The following LRP1B variants were observed in gnomAD, a reference collection of about 807,000 sequenced individuals.
The protein encoded by LRP1B is low-density lipoprotein receptor-related protein 1B.
A neutral mutation model predicts 556.6 loss-of-function variants in LRP1B; 217 were observed. That is an observed-to-expected ratio of 0.39 (90% CI 0.35 to 0.44). LRP1B has a LOEUF of 0.44. LRP1B is among the 20% of genes least tolerant of loss of function. LRP1B has a pLI of 1.00. For synonymous variants in LRP1B, 2,047 were observed against 1,865.8 expected (o/e 1.10, Z -2.50); for missense variants, 5,053 against 5,620.8 (o/e 0.90, Z 3.23).
At chr2:142,107,906 A>G (rs904375386) in intron 1 of LRP1B, among the ~76,000 whole-genome samples, 1 of 148,606 alleles carries the variant, frequency 6.7e-6, no homozygotes, top group Non-Finnish European at 1.5e-5. Context: ...TCGGCCTCCC[A>G]AAGTGCTGGG....
At chr2:140,774,097 T>C (rs1689410020) in intron 33 of LRP1B, among the ~76,000 whole-genome samples, 1 of 152,118 alleles carries the variant, frequency 6.6e-6, no homozygotes, top group Admixed American at 6.5e-5. Flanking sequence ...GTAGTGATGT[T>C]AACACCTTAA....
chr2:140,807,603 G>A (rs191033690), intron 32 of LRP1B, among the ~76,000 whole-genome samples: 2 of 149,154 alleles, frequency 1.3e-5, no homozygotes. Flanking sequence ...CACCTGCCTC[G>A]AGCTCACAAA....
intron 1 of LRP1B, among the ~76,000 whole-genome samples, chr2:141,963,647 G>A (rs1558990216): frequency 6.6e-6 from 1 of 150,994 alleles, no homozygotes; most frequent in Non-Finnish European, 1.5e-5. Context: ...ATACTGAATG[G>A]GCAAAAACTG....
chr2:141,324,887 A>G (rs1294795194), intron 3 of LRP1B, among the ~76,000 whole-genome samples: 1 of 152,106 alleles, frequency 6.6e-6, no homozygotes, highest in Non-Finnish European at 1.5e-5. Context: ...ATAGCACAGT[A>G]AGTTCTCTTT....
chr2:141,346,002 C>T (rs986307613), intron 3 of LRP1B, among the ~76,000 whole-genome samples: 4 of 151,860 alleles, frequency 2.6e-5, no homozygotes, highest in Non-Finnish European at 4.4e-5. Flanking sequence ...TCCAAGGGCT[C>T]TTTTTTGTTT....
At chr2:140,283,691 T>C (rs1469660452) in intron 84 of LRP1B, among the ~76,000 whole-genome samples, 2 of 151,716 alleles carry the variant, frequency 1.3e-5, no homozygotes, top group East Asian at 1.9e-4. Flanking sequence ...CAAACTGCCA[T>C]TGTAAAATGC....
At chr2:142,095,234 A>G (rs1041838868) in intron 1 of LRP1B, among the ~76,000 whole-genome samples, 3 of 151,662 alleles carry the variant, frequency 2.0e-5, no homozygotes, top group Admixed American at 2.0e-4. Context: ...GAAGCAATGC[A>G]CAAGAGTATA....
chr2:140,964,910 C>T (rs1344288326), intron 18 of LRP1B, among the ~76,000 whole-genome samples: 1 of 152,054 alleles, frequency 6.6e-6, no homozygotes, highest in African/African-American at 2.4e-5. Flanking sequence ...GCTGAGACTG[C>T]GTCATTGCAC....
At chr2:141,292,455 T>A (rs1686010408) in intron 3 of LRP1B, among the ~76,000 whole-genome samples, 1 of 151,900 alleles carries the variant, frequency 6.6e-6, no homozygotes, top group Admixed American at 6.6e-5. Flanking sequence ...AGCTGGGGAA[T>A]AAAGAGAAGA....
intron 41 of LRP1B, among the ~76,000 whole-genome samples, chr2:140,646,685 T>C (rs1288768558): frequency 6.6e-6 from 1 of 152,186 alleles, no homozygotes; most frequent in Non-Finnish European, 1.5e-5. Flanking sequence ...TAAAAGCAAC[T>C]ATTTCTCTTT....
At chr2:141,135,648 TA>T (rs1418703225) in intron 7 of LRP1B, among the ~76,000 whole-genome samples, 1 of 151,932 alleles carries the variant, frequency 6.6e-6, no homozygotes, top group Non-Finnish European at 1.5e-5. Context: ...CAGACTGAGT[TA>T]AACTAGAAAT....
At chr2:140,317,340 G>C (rs111230013) in intron 82 of LRP1B, among the ~76,000 whole-genome samples, 1,608 of 152,118 alleles carry the variant, frequency 0.011, 35 homozygotes, top group African/African-American at 0.038. Context: ...CCAAAATAGA[G>C]TAATGTGGGA....
intron 17 of LRP1B, among the ~76,000 whole-genome samples, chr2:140,986,703 A>G (rs918204022): frequency 6.6e-6 from 1 of 152,152 alleles, no homozygotes; most frequent in African/African-American, 2.4e-5. Flanking sequence ...TGAATATTGC[A>G]TTAGAATAGC....
chr2:141,391,470 G>T (rs1369971238), intron 3 of LRP1B, among the ~76,000 whole-genome samples: 1 of 152,128 alleles, frequency 6.6e-6, no homozygotes, highest in South Asian at 2.1e-4. Context: ...AGAGATGGTG[G>T]CGTGTTTGAG....
rs552471513 is a variant in LRP1B, at chr2:141,023,427, A to G, written c.1790-3325T>C. On this transcript the variant is annotated intron_variant, in intron 11 of 90. Transcript: ENST00000389484. ...TATAATAAAATTTATGTAAATTTTA[A>G]AAGAATAATGATGTGGATTTAAAAA... is the stretch of plus-strand genomic sequence containing the variant. Among the ~76,000 whole-genome samples, 3 of 152,072 alleles carry G rather than the reference A, an allele frequency of 2.0e-5. No individual in the cohort carries two copies. The South Asian group carries it at 6.2e-4, about 31-fold the overall frequency.
chr2:141,841,389 G>C (rs1306547076), intron 1 of LRP1B, among the ~76,000 whole-genome samples: 1 of 152,066 alleles, frequency 6.6e-6, no homozygotes, highest in Non-Finnish European at 1.5e-5. Context: ...TTACATAATG[G>C]ATGTATTTAC....
Position 140,587,605 on chromosome 2 carries a change from G to C in LRP1B, c.7194+11026C>G, listed in dbSNP as rs182651806. 2.0e-5 allele frequency among the ~76,000 whole-genome samples: 3 copies of C among 152,146 alleles called. No individual in the cohort carries two copies. In the East Asian group the frequency reaches 5.8e-4, roughly 29 times the overall value. ...GATGGGGAATAAGATGTTGGTCAAA[G>C]GATACAAATTTCCAGTTAGACACGA... On this transcript the variant is annotated intron_variant, in intron 43 of 90. Transcript: ENST00000389484.
At chr2:140,834,520 G>A (rs1455146174) in intron 31 of LRP1B, among the ~76,000 whole-genome samples, 1 of 152,172 alleles carries the variant, frequency 6.6e-6, no homozygotes, top group Non-Finnish European at 1.5e-5. Context: ...TTACAAGCGT[G>A]AGCCCCCGCG....
chr2:141,080,776 T>C (rs902793888), intron 7 of LRP1B, among the ~76,000 whole-genome samples: 11 of 152,330 alleles, frequency 7.2e-5, no homozygotes, highest in African/African-American at 2.6e-4. Context: ...TTCAGTTACC[T>C]ATGGTCAACT....
Sources: allele counts gnomAD v4.1 joint callset (sites outside exome capture counted in the v4.1 genomes callset), GRCh38; gene constraint gnomAD v4.1.1; transcripts MANE v1.5; gene names NCBI Gene and HGNC (gene_info 2026-07-23, HGNC 2026-07-21).